Variants in ADIPOR2 observed in about 807,000 individuals in gnomAD.
The protein encoded by ADIPOR2 is adiponectin receptor protein 2.
A neutral mutation model predicts 40.9 loss-of-function variants in ADIPOR2; 18 were observed. The observed-to-expected ratio is 0.44, with a 90% CI of 0.30 to 0.65. The LOEUF (loss-of-function observed/expected upper bound fraction) is 0.65, where lower values mean the gene tolerates loss of function less well. ADIPOR2 is among the 30% of genes least tolerant of loss of function. The pLI is 0.09. For missense variants in ADIPOR2, 283 were observed against 479.2 expected (o/e 0.59, Z 3.82); for synonymous variants, 165 against 166.4 (o/e 0.99, Z 0.06).
At chr12:1,771,388 A>G (rs1862491250) in intron 2 of ADIPOR2, among the ~76,000 whole-genome samples, 1 of 151,980 alleles carries the variant, frequency 6.6e-6, no homozygotes, top group Non-Finnish European at 1.5e-5. Context: ...ACGCTGTCTC[A>G]AACTAAAAAA....
chr12:1,716,853 A>T (rs1461171606), intron 1 of ADIPOR2, among the ~76,000 whole-genome samples: 1 of 152,252 alleles, frequency 6.6e-6, no homozygotes, highest in Non-Finnish European at 1.5e-5. Flanking sequence ...CCAACTAGGT[A>T]GCATTACTGG....
chr12:1,783,830 G>T, intron 6 of ADIPOR2, 50 bp from the exon 7 acceptor site: 2 of 1,447,590 alleles, frequency 1.4e-6, no homozygotes, highest in Non-Finnish European at 9.3e-7. Flanking sequence ...CTGACTTCTG[G>T]CTCTTTGTTT....
chr12:1,723,292 A>G (rs2094701296), intron 1 of ADIPOR2, among the ~76,000 whole-genome samples: 1 of 152,086 alleles, frequency 6.6e-6, no homozygotes, highest in Admixed American at 6.6e-5. Flanking sequence ...ATGAGGTCTC[A>G]TAATCCTCCC....
intron 2 of ADIPOR2, among the ~76,000 whole-genome samples, chr12:1,758,978 A>G (rs1565651773): frequency 6.6e-6 from 1 of 152,252 alleles, no homozygotes; most frequent in African/African-American, 2.4e-5. Flanking sequence ...AGATGAGAGC[A>G]TGTGCTAAGT....
intron 4 of ADIPOR2, chr12:1,778,646 G>A (rs1292021218): frequency 1.3e-5 from 2 of 152,158 alleles, no homozygotes; most frequent in African/African-American, 4.8e-5. Context: ...TTTGGATTAG[G>A]TGACTGTTTC....
At chr12:1,705,655 A>G (rs2094660713) in intron 1 of ADIPOR2, among the ~76,000 whole-genome samples, 1 of 152,254 alleles carries the variant, frequency 6.6e-6, no homozygotes, top group Admixed American at 6.5e-5. Context: ...ACTTCTGGGT[A>G]CTAATCTTTG....
intron 1 of ADIPOR2, among the ~76,000 whole-genome samples, chr12:1,731,601 T>C (rs993455543): frequency 7.9e-5 from 12 of 152,216 alleles, no homozygotes; most frequent in Middle Eastern, 3.2e-3. Flanking sequence ...TGGAATCATA[T>C]AGCATTTGTC....
At chr12:1,782,126 A>G (rs1216385967) in intron 6 of ADIPOR2, among the ~76,000 whole-genome samples, 1 of 152,246 alleles carries the variant, frequency 6.6e-6, no homozygotes, top group Non-Finnish European at 1.5e-5. Context: ...GAAAAAGTGA[A>G]TAGTGCAAAA....
chr12:1,780,635 T>A lies in ADIPOR2; in HGVS notation c.648T>A (p.Ser216=), dbSNP rs1862695751. Residue 216 remains serine (S), a splice_region_variant and synonymous_variant, in exon 5 of 8, where the codon TCT becomes TCA. Transcript: ENST00000357103. ...CAGAGGGGGTCTCTCGGCTCTTCTC[T>A]AAGTAAGTATCTGTAAAGTCCGTAT... ...CHSEGVSRLF[S]KLDYSGIALL... is the part of the protein sequence containing the mutation. 6.3e-7 allele frequency: 1 copy of A among 1,584,628 alleles called. No individual in the cohort carries two copies. The highest frequency in any genetic ancestry group is 1.9e-5 in the Admixed American group (1 of 52,476).
chr12:1,734,466 T>G (rs2094726455), intron 1 of ADIPOR2, among the ~76,000 whole-genome samples: 1 of 152,228 alleles, frequency 6.6e-6, no homozygotes, highest in Non-Finnish European at 1.5e-5. Context: ...TCGTTTGTTT[T>G]TTTCTTGTAA....
intron 1 of ADIPOR2, among the ~76,000 whole-genome samples, chr12:1,736,670 G>A (rs2154442753): frequency 6.6e-6 from 1 of 152,236 alleles, no homozygotes; most frequent in South Asian, 2.1e-4. Context: ...GAATGTGTTT[G>A]CTCTTGCTTC....
intron 1 of ADIPOR2, among the ~76,000 whole-genome samples, chr12:1,710,446 G>A (rs747965767): frequency 1.3e-5 from 2 of 152,020 alleles, no homozygotes; most frequent in Non-Finnish European, 2.9e-5. Context: ...TGACCCAGAC[G>A]GGACCATTGG....
At chr12:1,773,066 G>A in intron 3 of ADIPOR2, 105 bp downstream of exon 3, 1 of 1,363,216 alleles carries the variant, frequency 7.3e-7, no homozygotes, top group Non-Finnish European at 9.7e-7. Flanking sequence ...TTGCTTTGGG[G>A]AAGATCTGTG....
intron 1 of ADIPOR2, among the ~76,000 whole-genome samples, chr12:1,700,177 T>G (rs1349953399): frequency 6.6e-6 from 1 of 152,234 alleles, no homozygotes; most frequent in Non-Finnish European, 1.5e-5. Context: ...ACAAAGCATA[T>G]GGTCTTAAAA....
chr12:1,775,036 C>G (rs1862561028), intron 3 of ADIPOR2, among the ~76,000 whole-genome samples: 2 of 146,984 alleles, frequency 1.4e-5, no homozygotes, highest in Non-Finnish European at 3.0e-5. Flanking sequence ...TGGGGTTTCA[C>G]CATGTTGGCC....
intron 3 of ADIPOR2, among the ~76,000 whole-genome samples, chr12:1,775,328 C>A (rs1305028400): frequency 6.6e-6 from 1 of 152,106 alleles, no homozygotes; most frequent in African/African-American, 2.4e-5. Flanking sequence ...TGGAATTTGG[C>A]TGACTGTATA....
Position 1,783,863 on chromosome 12 carries a change from CTTCTT to C in ADIPOR2, c.839-16_839-12del, listed in dbSNP as rs1378567316. ...TTTCTCTTCTGCATTACTTTACTCT[CTTCTT>C]GTGACTCCTAGGAGTGTTTTTGGGC... On this transcript the variant is annotated splice_polypyrimidine_tract_variant and intron_variant, in intron 6 of 7. Coordinates refer to ENST00000357103, the MANE Select transcript of ADIPOR2 (RefSeq NM_024551.3). The C allele has an allele frequency of 1.3e-6, 2 of 1,562,366 alleles. No homozygotes were observed. Among genetic ancestry groups the C allele is most frequent in the Non-Finnish European group, 1.7e-6 (2 of 1,150,522 alleles).
In ADIPOR2 at chr12:1,763,277, C is replaced by T. The variant is rs140046107; in HGVS notation, c.171+8763C>T. On this transcript the variant is annotated intron_variant, in intron 2 of 7. Coordinates refer to ENST00000357103, the MANE Select transcript of ADIPOR2 (RefSeq NM_024551.3). Reference sequence around the variant, plus strand: ...CACTTAATGATGGAGAGCCAGTGATCACAGTTTTCTTTTCATAATGCATAT... The same window carrying T: ...CACTTAATGATGGAGAGCCAGTGATTACAGTTTTCTTTTCATAATGCATAT... Among the ~76,000 whole-genome samples, 39 of 152,286 alleles carry T rather than the reference C, an allele frequency of 2.6e-4. No individual in the cohort carries two copies. The East Asian group carries it at 7.1e-3, about 28-fold the overall frequency.
chr12:1,777,217 ATAGG>A (rs76942409), intron 3 of ADIPOR2, among the ~76,000 whole-genome samples: 148,020 of 151,994 alleles, frequency 0.97, 72,200 homozygotes, highest in East Asian at 1. Flanking sequence ...AGTCTGTTAT[ATAGG>A]TAGGATGAAG....
Sources: gnomAD v4.1 joint callset for allele counts (sites outside exome capture counted in the v4.1 genomes callset) on GRCh38, gnomAD v4.1.1 for gene constraint, MANE v1.5 for transcripts, NCBI Gene and HGNC (gene_info 2026-07-23, HGNC 2026-07-21) for gene names.